Variants in OSBPL10 observed in about 807,000 individuals in gnomAD.
The protein encoded by OSBPL10 is oxysterol binding protein like 10.
In OSBPL10, 49 loss-of-function variants were observed where a neutral mutation model predicts 81.7. The ratio of observed to expected loss-of-function variants is 0.60; its 90% confidence interval spans 0.48 to 0.76. OSBPL10 has a LOEUF of 0.76. Ranked by LOEUF, OSBPL10 falls within the 30% of genes least tolerant of loss-of-function variation. OSBPL10 has a pLI of 0.00. For synonymous variants in OSBPL10, 419 were observed against 383.6 expected (o/e 1.09, Z -1.08); for missense variants, 923 against 987.8 (o/e 0.93, Z 0.88).
chr3:31,815,539 T>C (rs1699814811), intron 4 of OSBPL10, among the ~76,000 whole-genome samples: 2 of 152,188 alleles, frequency 1.3e-5, no homozygotes, highest in Admixed American at 6.5e-5. Context: ...TGGCCAGTTA[T>C]GGAAACTGTG....
At chr3:31,663,496 A>G in intron 11 of OSBPL10, 4 of 994,036 alleles carry the variant, frequency 4.0e-6, no homozygotes, top group Non-Finnish European at 4.8e-6. Context: ...CTGGGCACAC[A>G]GTGCCCTGCC....
At chr3:31,721,220 A>G (rs1696633896) in intron 6 of OSBPL10, among the ~76,000 whole-genome samples, 2 of 152,210 alleles carry the variant, frequency 1.3e-5, no homozygotes, top group Non-Finnish European at 2.9e-5. Flanking sequence ...TCTACCCTAG[A>G]GCGTTCAGAA....
intron 3 of OSBPL10, among the ~76,000 whole-genome samples, chr3:31,852,033 T>C (rs991315867): frequency 6.6e-6 from 1 of 152,128 alleles, no homozygotes. Flanking sequence ...TGAAACACCA[T>C]TCCCAGCAGC....
chr3:31,929,475 C>T (rs11922289), intron 1 of OSBPL10, among the ~76,000 whole-genome samples: 23,738 of 152,066 alleles, frequency 0.16, 2,231 homozygotes, highest in South Asian at 0.26. Flanking sequence ...CGGCCGGGCG[C>T]GGTGGCTCAC....
intron 4 of OSBPL10, among the ~76,000 whole-genome samples, chr3:31,813,046 A>T (rs1183903688): frequency 2.0e-5 from 3 of 152,230 alleles, no homozygotes; most frequent in Non-Finnish European, 4.4e-5. Flanking sequence ...TCTCTCCAAT[A>T]TAAGAAATAT....
At chr3:31,802,110 A>G (rs1699397176) in intron 4 of OSBPL10, among the ~76,000 whole-genome samples, 1 of 151,332 alleles carries the variant, frequency 6.6e-6, no homozygotes, top group Non-Finnish European at 1.5e-5. Context: ...GGCACGAGCC[A>G]CTGCACCCAG....
chr3:31,981,698 C>T (rs1319247205), upstream of OSBPL10: 1 of 152,914 alleles, frequency 6.5e-6, no homozygotes, highest in Non-Finnish European at 1.5e-5. This position sits in a 1 kb window ranked among gnomAD's most constrained non-coding sequence, Gnocchi z 4.5. Flanking sequence ...GGGGCAGCCC[C>T]ACCCACCCGG....
intron 4 of OSBPL10, among the ~76,000 whole-genome samples, chr3:31,751,755 G>A (rs142067523): frequency 7.9e-5 from 12 of 152,276 alleles, no homozygotes; most frequent in South Asian, 4.1e-4. Flanking sequence ...CTAAAGATTC[G>A]TTTTCTTCTC....
At chr3:31,897,649 G>A (rs1696095128) in intron 1 of OSBPL10, among the ~76,000 whole-genome samples, 3 of 152,130 alleles carry the variant, frequency 2.0e-5, no homozygotes, top group African/African-American at 7.2e-5. Flanking sequence ...AAAAAAGGCA[G>A]AAAACCTTTA....
intron 7 of OSBPL10, among the ~76,000 whole-genome samples, chr3:31,695,069 C>A (rs1026595063): frequency 6.6e-6 from 1 of 152,180 alleles, no homozygotes; most frequent in African/African-American, 2.4e-5. Context: ...AATCTTGTTT[C>A]ATGTGTTCTT....
chr3:31,853,308 G>A (rs923416995), intron 3 of OSBPL10, among the ~76,000 whole-genome samples: 1 of 152,126 alleles, frequency 6.6e-6, no homozygotes, highest in East Asian at 1.9e-4. Context: ...AAATGACCCT[G>A]TATCCTAACC....
chr3:31,878,436 T>C (rs1701533660), intron 2 of OSBPL10, among the ~76,000 whole-genome samples: 1 of 150,340 alleles, frequency 6.7e-6, no homozygotes, highest in Non-Finnish European at 1.5e-5. Context: ...AGAACATGAA[T>C]CTTATCACAT....
At chr3:31,835,499 C>G (rs1233349141) in intron 3 of OSBPL10, among the ~76,000 whole-genome samples, 1 of 152,100 alleles carries the variant, frequency 6.6e-6, no homozygotes, top group African/African-American at 2.4e-5. Context: ...ACAACCACTT[C>G]TACTGTAGAA....
chr3:31,947,622 G>A (rs1697740386), intron 1 of OSBPL10, among the ~76,000 whole-genome samples: 3 of 152,236 alleles, frequency 2.0e-5, no homozygotes, highest in African/African-American at 4.8e-5. Flanking sequence ...GAGGTTTGGT[G>A]GAAGTCTAAA....
chr3:31,733,685 G>GTTTT (rs372305256), intron 5 of OSBPL10, among the ~76,000 whole-genome samples: 1 of 91,778 alleles, frequency 1.1e-5, no homozygotes, highest in Admixed American at 1.3e-4. Context: ...AGATAAAGGT[G>GTTTT]TTTTTTTTTT....
intron 1 of OSBPL10, among the ~76,000 whole-genome samples, chr3:31,897,676 G>A (rs1188085035): frequency 6.6e-6 from 1 of 152,088 alleles, no homozygotes; most frequent in Non-Finnish European, 1.5e-5. Flanking sequence ...CAAACATCAG[G>A]TTGACATTAG....
At position 31,945,152 on chromosome 3, in the gene OSBPL10, A is replaced by AT. The variant is rs796538027; in HGVS notation, c.281+35746_281+35747insA. On this transcript the variant is annotated intron_variant, in intron 1 of 11. Transcript: ENST00000396556. ...GCGACAGAGCAAGACTCCGTCTCAA[A>AT]AAAAAAAAAAAAAAAAAACAGGAAG... Among the ~76,000 whole-genome samples, 1,786 of 127,586 alleles carry AT rather than the reference A, an allele frequency of 0.014. 93 individuals carry two copies. The East Asian group carries it at 0.2, about 14-fold the overall frequency. 83.7% of individuals were successfully genotyped at this position (127,586 alleles called of 152,430 possible).
In OSBPL10 at chr3:31,989,666, C is replaced by A. The variant is rs750707145; in HGVS notation, n.298+56825G>T. 1.9e-6 allele frequency: 3 copies of A among 1,614,082 alleles called. 1 individual carries two copies. Among genetic ancestry groups the A allele is most frequent in the African/African-American group, 1.3e-5 (1 of 75,046 alleles). Reference sequence around the variant, plus strand: ...TCAGTTCTAACGTCCCAAAGAATTTCTTCTAGGCCCAAAATCCATATTTCT... The same window carrying A: ...TCAGTTCTAACGTCCCAAAGAATTTATTCTAGGCCCAAAATCCATATTTCT... On this transcript the variant is annotated intron_variant and non_coding_transcript_variant, in intron 2 of 3. Transcript: ENST00000479173.
At chr3:31,692,506 A>T (rs1387547041) in intron 7 of OSBPL10, among the ~76,000 whole-genome samples, 65 of 152,192 alleles carry the variant, frequency 4.3e-4, no homozygotes, top group African/African-American at 1.5e-3. Context: ...GAAAGCTAAA[A>T]TGACTCACAA....
Sources: gnomAD v4.1 joint callset for allele counts (sites outside exome capture counted in the v4.1 genomes callset) on GRCh38, gnomAD v4.1.1 for gene constraint, Gnocchi (gnomAD v3.1) non-coding constraint, MANE v1.5 for transcripts, NCBI Gene and HGNC (gene_info 2026-07-23, HGNC 2026-07-21) for gene names.